The following PRKAA2 variants were observed in gnomAD, a reference collection of about 807,000 sequenced individuals.
PRKAA2 encodes protein kinase AMP-activated catalytic subunit alpha 2, also known as 5'-AMP-activated protein kinase catalytic subunit alpha-2.
In PRKAA2, 40 loss-of-function variants were observed where a neutral mutation model predicts 56.3. The observed-to-expected ratio is 0.71, with a 90% CI of 0.55 to 0.92. PRKAA2 has a LOEUF of 0.92. Among genes scored for constraint, PRKAA2 ranks in the 40% least tolerant of loss-of-function variants. The pLI is 0.00. For synonymous variants in PRKAA2, 214 were observed against 234.2 expected, an observed-to-expected ratio of 0.91 and a Z score of 0.79; for missense variants, 542 against 686.9, an observed-to-expected ratio of 0.79 and a Z score of 2.36.
rs1363189098 is a variant in PRKAA2 at position 56,712,595 on chromosome 1, T to TA, written c.*4884dup. On this transcript the variant is annotated 3_prime_UTR_variant, in exon 9 of 9. Transcript: ENST00000371244. ...GGCTGGGTGTAGTGGCTCATGCCTA[T>TA]AATCCCAGCACTTTGGGAGGCCAAA... 6.6e-6 allele frequency: 1 copy of TA among 152,210 alleles called. No homozygotes were observed. Among genetic ancestry groups the TA allele is most frequent in the Non-Finnish European group, 1.5e-5 (1 of 68,048 alleles). 9.4% of individuals were successfully genotyped at this position (152,210 alleles called of 1,614,324 possible). A position where few individuals can be genotyped will look rare whatever the true frequency, so the allele number is the denominator to read the frequency against.
At chr1:56,699,166 C>T (rs1644277973) in intron 6 of PRKAA2, among the ~76,000 whole-genome samples, 1 of 152,046 alleles carries the variant, frequency 6.6e-6, no homozygotes, top group Non-Finnish European at 1.5e-5. Flanking sequence ...ATAATTAAAG[C>T]TTTTAGAACA....
At chr1:56,688,252 T>A (rs577389399) in intron 2 of PRKAA2, among the ~76,000 whole-genome samples, 227 of 152,244 alleles carry the variant, frequency 1.5e-3, no homozygotes, top group African/African-American at 5.3e-3. Flanking sequence ...GAAATTTTAT[T>A]GGTTGAAGTT....
intron 2 of PRKAA2, among the ~76,000 whole-genome samples, chr1:56,680,378 C>CT (rs1476115745): frequency 6.6e-6 from 1 of 151,724 alleles, no homozygotes; most frequent in Non-Finnish European, 1.5e-5. Flanking sequence ...TTTTATTATA[C>CT]TTTAAGTTCT....
chr1:56,703,949 T>C (rs374002234), intron 6 of PRKAA2, 22 bp from the exon 7 acceptor site: 1 of 1,571,992 alleles, frequency 6.4e-7, no homozygotes. Context: ...CTTACAATAA[T>C]GTATTGTGGT....
chr1:56,647,333 G>A (rs377328349), intron 1 of PRKAA2, among the ~76,000 whole-genome samples: 1 of 152,198 alleles, frequency 6.6e-6, no homozygotes, highest in African/African-American at 2.4e-5. Flanking sequence ...TACACACAAA[G>A]TTATATAACT....
intron 1 of PRKAA2, among the ~76,000 whole-genome samples, chr1:56,666,038 TTTG>T (rs1269077399): frequency 1.3e-5 from 2 of 152,158 alleles, no homozygotes; most frequent in African/African-American, 4.8e-5. Flanking sequence ...TTGATAGGTG[TTTG>T]TTGGTTTGCT....
rs774757541 is a variant in PRKAA2 at position 56,707,565 on chromosome 1, C to T, written c.1511C>T (p.Ser504Phe). The change falls in exon 9 of 9, where the codon TCC (serine) becomes TTC (phenylalanine). Residue 504 changes from serine to phenylalanine, a missense_variant. By Grantham distance (155) the Ser-to-Phe change is radical. Coordinates refer to ENST00000371244, the MANE Select transcript of PRKAA2 (RefSeq NM_006252.4). ...GLHRPRSSFD[S>F]TTAESHSLSG... Reference sequence around the variant, plus strand: ...CACAGACCAAGATCAAGTTTTGATTCCACAACTGCAGAGAGCCATTCACTT... The same window carrying T: ...CACAGACCAAGATCAAGTTTTGATTTCACAACTGCAGAGAGCCATTCACTT... The T allele has an allele frequency of 2.5e-6, 4 of 1,614,090 alleles. No homozygotes were observed. In the East Asian group the frequency reaches 8.9e-5, roughly 36 times the overall value.
chr1:56,695,961 T>C lies in PRKAA2; in HGVS notation c.590T>C (p.Ile197Thr). The stretch of plus-strand genomic sequence containing the variant: ...TTGTATGCAGGTCCTGAAGTTGATA[T>C]CTGGAGCTGTGGTGTTATCTTGTAT... ...GRLYAGPEVDIWSCGVILYAL... is the reference protein window; with the variant it reads ...GRLYAGPEVDTWSCGVILYAL... The change falls in exon 6 of 9, where the codon ATC becomes ACC. Residue 197 changes from isoleucine to threonine, a missense_variant. Physicochemically the swap from Ile to Thr is moderately conservative, Grantham distance 89. Coordinates refer to ENST00000371244, the MANE Select transcript of PRKAA2 (RefSeq NM_006252.4). The C allele has an allele frequency of 6.2e-7, 1 of 1,612,732 alleles. No homozygotes were observed. Among genetic ancestry groups the C allele is most frequent in the Non-Finnish European group, 8.5e-7 (1 of 1,179,794 alleles).
At position 56,668,182 on chromosome 1, in the gene PRKAA2, T is replaced by A. The variant is rs1644049012; in HGVS notation, c.95-6199T>A. On this transcript the variant is annotated intron_variant, in intron 1 of 8. Transcript: ENST00000371244. ...ATTTTGTACACCAGTCAGGGACTCTTTAGAGTACACTCATAGGTGGGAATT... is the reference window on the plus strand; with the variant it reads ...ATTTTGTACACCAGTCAGGGACTCTATAGAGTACACTCATAGGTGGGAATT... Among the ~76,000 whole-genome samples, 3 of 150,308 alleles carry A rather than the reference T, an allele frequency of 2.0e-5. No homozygotes were observed. The South Asian group carries it at 6.3e-4, about 32-fold the overall frequency.
intron 1 of PRKAA2, among the ~76,000 whole-genome samples, chr1:56,656,774 T>A (rs1350592681): frequency 6.6e-6 from 1 of 152,188 alleles, no homozygotes; most frequent in Non-Finnish European, 1.5e-5. Flanking sequence ...GGACTTCTGA[T>A]GAAGATGTTT....
At chr1:56,648,590 A>G (rs537413413) in intron 1 of PRKAA2, among the ~76,000 whole-genome samples, 10 of 152,338 alleles carry the variant, frequency 6.6e-5, no homozygotes, top group African/African-American at 2.2e-4. Flanking sequence ...TTGCTGGGTC[A>G]TATCGTAGTT....
At chr1:56,662,760 G>A (rs1644004948) in intron 1 of PRKAA2, among the ~76,000 whole-genome samples, 1 of 152,034 alleles carries the variant, frequency 6.6e-6, no homozygotes, top group Admixed American at 6.6e-5. Context: ...AGGTGTGTGT[G>A]TGTTTTTTTT....
At chr1:56,664,300 C>G (rs1386698269) in intron 1 of PRKAA2, among the ~76,000 whole-genome samples, 1 of 152,002 alleles carries the variant, frequency 6.6e-6, no homozygotes, top group East Asian at 1.9e-4. Context: ...AATAGGGACT[C>G]TTTTTAAACT....
chr1:56,690,922 A>G (rs1644225092), intron 2 of PRKAA2, among the ~76,000 whole-genome samples: 1 of 152,116 alleles, frequency 6.6e-6, no homozygotes, highest in Non-Finnish European at 1.5e-5. Flanking sequence ...TAGCACTTTC[A>G]TGTATGTTCT....
chr1:56,664,742 C>T (rs544309911), intron 1 of PRKAA2, among the ~76,000 whole-genome samples: 15 of 151,796 alleles, frequency 9.9e-5, no homozygotes, highest in Non-Finnish European at 2.1e-4. Context: ...TTAAACTCTG[C>T]GAGCCTGGGT....
intron 5 of PRKAA2, among the ~76,000 whole-genome samples, chr1:56,695,094 T>A (rs1331903954): frequency 6.6e-6 from 1 of 151,284 alleles, no homozygotes; most frequent in Non-Finnish European, 1.5e-5. Flanking sequence ...GTACTCAGGA[T>A]AATGTGATAC....
intron 2 of PRKAA2, among the ~76,000 whole-genome samples, chr1:56,690,105 A>T (rs946749202): frequency 6.6e-6 from 1 of 151,954 alleles, no homozygotes; most frequent in African/African-American, 2.4e-5. Flanking sequence ...ACTCTTCAGT[A>T]TCTACTCTAG....
chr1:56,707,575 A>G lies in PRKAA2; in HGVS notation c.1521A>G (p.Ala507=), dbSNP rs1644340581. The change falls in exon 9 of 9, where the codon GCA becomes GCG. Residue 507 remains alanine (A), a synonymous_variant. Coordinates refer to ENST00000371244, the MANE Select transcript of PRKAA2 (RefSeq NM_006252.4). ...RPRSSFDSTT[A]ESHSLSGSLT... ...GATCAAGTTTTGATTCCACAACTGC[A>G]GAGAGCCATTCACTTTCTGGCTCTC... 6.2e-7 allele frequency: 1 copy of G among 1,614,038 alleles called. No homozygotes were observed.
intron 2 of PRKAA2, among the ~76,000 whole-genome samples, chr1:56,677,823 A>G (rs1290762380): frequency 6.6e-6 from 1 of 151,794 alleles, no homozygotes; most frequent in African/African-American, 2.4e-5. Flanking sequence ...CACCCTGCTA[A>G]TTTTGTATTT....
Sources: gnomAD v4.1 joint callset for allele counts (sites outside exome capture counted in the v4.1 genomes callset) on GRCh38, gnomAD v4.1.1 for gene constraint, MANE v1.5 for transcripts, NCBI Gene and HGNC (gene_info 2026-07-23, HGNC 2026-07-21) for gene names.